Variants in SCN10A observed in about 807,000 individuals in gnomAD.
SCN10A encodes the protein sodium channel protein type 10 subunit alpha.
In SCN10A, 162 loss-of-function variants were observed where a neutral mutation model predicts 170.7. The observed-to-expected ratio is 0.95, with a 90% CI of 0.84 to 1.08. The LOEUF (loss-of-function observed/expected upper bound fraction) is 1.08. Ranked by LOEUF, SCN10A falls within the 50% of genes least tolerant of loss-of-function variation. SCN10A has a pLI of 0.00. For synonymous variants in SCN10A, 985 were observed against 904.6 expected, an observed-to-expected ratio of 1.09 and a Z score of -1.59; for missense variants, 2,527 against 2,436.9, an observed-to-expected ratio of 1.04 and a Z score of -0.78.
At chr3:38,767,778 G>A (rs1216758073) in intron 5 of SCN10A, among the ~76,000 whole-genome samples, 1 of 152,064 alleles carries the variant, frequency 6.6e-6, no homozygotes, top group African/African-American at 2.4e-5. Flanking sequence ...TACAGTTTAA[G>A]TTCATTGTTT....
At chr3:38,758,313 A>T (rs2063831950) in intron 8 of SCN10A, among the ~76,000 whole-genome samples, 1 of 152,190 alleles carries the variant, frequency 6.6e-6, no homozygotes, top group African/African-American at 2.4e-5. Context: ...CATTTCCTGT[A>T]GGTTTCTTAA....
At chr3:38,718,602 G>C (rs1183695317) in intron 21 of SCN10A, 51 bp downstream of exon 21, 3 of 1,586,438 alleles carry the variant, frequency 1.9e-6, no homozygotes, top group African/African-American at 2.7e-5. Context: ...CTGTAGCCAG[G>C]AGTCAGAGGG....
intron 12 of SCN10A, among the ~76,000 whole-genome samples, chr3:38,751,554 G>C (rs2063747223): frequency 6.6e-6 from 1 of 152,162 alleles, no homozygotes; most frequent in African/African-American, 2.4e-5. Context: ...TCCCTGGCTA[G>C]CCAGAGAGGG....
chr3:38,734,806 AAC>A (rs1202761218), intron 15 of SCN10A, among the ~76,000 whole-genome samples: 4 of 152,208 alleles, frequency 2.6e-5, no homozygotes, highest in Non-Finnish European at 4.4e-5. Flanking sequence ...ACTTCTTTTC[AAC>A]AGTGTACTGG....
chr3:38,800,638 A>G (rs2064365290), intron 1 of SCN10A, among the ~76,000 whole-genome samples: 1 of 150,928 alleles, frequency 6.6e-6, no homozygotes, highest in South Asian at 2.1e-4. Context: ...GGAAACTCTG[A>G]CTCCCCAGAG....
chr3:38,781,176 T>C (rs1450588753), intron 4 of SCN10A, among the ~76,000 whole-genome samples: 2 of 152,028 alleles, frequency 1.3e-5, no homozygotes, highest in African/African-American at 2.4e-5. Context: ...CGATAAAAAG[T>C]GAATTTTACT....
chr3:38,806,482 G>C (rs776958990), intron 1 of SCN10A, among the ~76,000 whole-genome samples: 1 of 152,160 alleles, frequency 6.6e-6, no homozygotes, highest in Non-Finnish European at 1.5e-5. Flanking sequence ...AAAAACCAGA[G>C]AGATAGTGTG....
At chr3:38,722,230 TG>T in intron 20 of SCN10A, 27 bp downstream of exon 20, 2 of 1,603,998 alleles carry the variant, frequency 1.2e-6, no homozygotes, top group Non-Finnish European at 1.7e-6. Flanking sequence ...CTGGAGGATT[TG>T]GGGGCAGGGA....
intron 4 of SCN10A, among the ~76,000 whole-genome samples, chr3:38,772,736 CAAAAAA>C (rs1180592093): frequency 2.2e-3 from 195 of 89,454 alleles, no homozygotes; most frequent in African/African-American, 7.2e-3. Context: ...AAAACAAAAA[CAAAAAA>C]AAAAAAACCT....
At chr3:38,734,038 A>G (rs1389523786) in intron 15 of SCN10A, among the ~76,000 whole-genome samples, 3 of 143,852 alleles carry the variant, frequency 2.1e-5, no homozygotes, top group African/African-American at 5.2e-5. Flanking sequence ...ATTGTTTTCA[A>G]TGAGACGGAG....
chr3:38,787,913 G>A (rs541710974), intron 4 of SCN10A, among the ~76,000 whole-genome samples: 7 of 149,476 alleles, frequency 4.7e-5, no homozygotes, highest in South Asian at 2.1e-4. Flanking sequence ...GAGAACATAC[G>A]GTGTTTGGTT....
chr3:38,698,189 G>A lies in SCN10A; in HGVS notation c.5031C>T (p.Tyr1677=). ...TGCTGTTGGGCAGATTGGGGTCACA[G>A]TAGGGGGGCCCTGTGTTGAGGATGG... ...LSPILNTGPP[Y]CDPNLPNSNG... is the part of the protein sequence containing the mutation. The change falls in exon 28 of 28, where the codon TAC becomes TAT. Residue 1677 remains tyrosine, a synonymous_variant. Transcript: ENST00000449082. 6.2e-7 allele frequency: 1 copy of A among 1,614,170 alleles called. No individual in the cohort carries two copies. Among genetic ancestry groups the A allele is most frequent in the East Asian group, 2.2e-5 (1 of 44,888 alleles).
At position 38,728,902 on chromosome 3, in the gene SCN10A, C is replaced by T. The variant is rs2063486932; in HGVS notation, c.2281-1G>A. On this transcript the variant is annotated splice_acceptor_variant, in intron 15 of 27. Coordinates refer to ENST00000449082, the MANE Select transcript of SCN10A (RefSeq NM_006514.4). LOFTEE classifies it high-confidence loss of function. Reference sequence around the variant, plus strand: ...ATTTGGCCAGCTTGAATACGCGCAGCTGCAGAGAAACAGAGACCGTCAGGT... The same window carrying T: ...ATTTGGCCAGCTTGAATACGCGCAGTTGCAGAGAAACAGAGACCGTCAGGT... 6.2e-7 allele frequency: 1 copy of T among 1,601,568 alleles called. No individual in the cohort carries two copies. The highest frequency in any genetic ancestry group is 8.5e-7 in the Non-Finnish European group (1 of 1,171,102).
intron 15 of SCN10A, among the ~76,000 whole-genome samples, chr3:38,738,864 G>C (rs1472429536): frequency 1.3e-5 from 2 of 152,220 alleles, no homozygotes; most frequent in East Asian, 3.8e-4. Flanking sequence ...GCTGAGTTTA[G>C]AGAAGAGCCA....
chr3:38,723,787 C>G (rs2063422940), intron 18 of SCN10A, among the ~76,000 whole-genome samples: 1 of 152,246 alleles, frequency 6.6e-6, no homozygotes, highest in Non-Finnish European at 1.5e-5. Context: ...CCCATAACGA[C>G]TCTCAGCATT....
chr3:38,794,083 C>T, intron 1 of SCN10A, 41 bp from the exon 2 acceptor site: 1 of 1,367,358 alleles, frequency 7.3e-7, no homozygotes, highest in South Asian at 1.3e-5. Context: ...TGACAGCTTG[C>T]CCACTGGCCC....
At chr3:38,784,818 A>C (rs935054895) in intron 4 of SCN10A, among the ~76,000 whole-genome samples, 2 of 152,176 alleles carry the variant, frequency 1.3e-5, no homozygotes, top group East Asian at 3.9e-4. Context: ...AAAAATCACA[A>C]GCATTCCCAT....
chr3:38,756,955 A>T (rs2063814056), intron 9 of SCN10A, 63 bp downstream of exon 9: 1 of 1,606,106 alleles, frequency 6.2e-7, no homozygotes, highest in East Asian at 2.2e-5. Context: ...CAGGAAAAGC[A>T]CAGCCATGCA....
chr3:38,726,261 C>G (rs2063453072), intron 17 of SCN10A, among the ~76,000 whole-genome samples: 1 of 152,166 alleles, frequency 6.6e-6, no homozygotes, highest in Admixed American at 6.5e-5. Flanking sequence ...ATTAGATGAG[C>G]CTTGCTCTTG....
Sources: gnomAD v4.1 joint callset for allele counts (sites outside exome capture counted in the v4.1 genomes callset) on GRCh38, gnomAD v4.1.1 for gene constraint, MANE v1.5 for transcripts, NCBI Gene and HGNC (gene_info 2026-07-23, HGNC 2026-07-21) for gene names.